The following RAI1 variants were observed in gnomAD, a reference collection of about 807,000 sequenced individuals.
The protein encoded by RAI1 is retinoic acid-induced protein 1.
In RAI1, 9 loss-of-function variants were observed where a neutral mutation model predicts 123.8. That is an observed-to-expected ratio of 0.07 (90% CI 0.04 to 0.13). The LOEUF is 0.13. Among genes scored for constraint, RAI1 ranks in the 10% least tolerant of loss-of-function variants. The pLI is 1.00. For synonymous variants in RAI1, 1,231 were observed against 1,127.3 expected (o/e 1.09, Z -1.84); for missense variants, 2,256 against 2,545.8 (o/e 0.89, Z 2.45).
At chr17:17,696,241 G>A (rs1598017354) in intron 1 of RAI1, among the ~76,000 whole-genome samples, 1 of 152,102 alleles carries the variant, frequency 6.6e-6, no homozygotes, top group African/African-American at 2.4e-5. Context: ...GAGTCATGCT[G>A]TATATTTGGT....
At chr17:17,728,390 C>G (rs928312142) in intron 2 of RAI1, among the ~76,000 whole-genome samples, 2 of 152,128 alleles carry the variant, frequency 1.3e-5, no homozygotes, top group African/African-American at 4.8e-5. Context: ...ATGATCCGCA[C>G]GTTAATTAAA....
chr17:17,789,345 C>T (rs573712847), intron 2 of RAI1, among the ~76,000 whole-genome samples: 2 of 152,356 alleles, frequency 1.3e-5, no homozygotes, highest in East Asian at 3.9e-4. Context: ...AAGAAAGCCG[C>T]ACAGAGTAGG....
rs755763844 is a variant in RAI1, at chr17:17,796,453, C to G, written c.3505C>G (p.Pro1169Ala). The G allele has an allele frequency of 1.2e-6, 2 of 1,612,858 alleles. No individual in the cohort carries two copies. Among genetic ancestry groups the G allele is most frequent in the Admixed American group, 3.3e-5 (2 of 60,012 alleles). ...GCGGAGGCCCTCTGAGGGCCGGCTC[C>G]CCAACTGCCGTGCCACCAAGAAGCT... is the stretch of plus-strand genomic sequence containing the variant. ...KRRRPSEGRL[P>A]NCRATKKLLD... The change falls in exon 3 of 6, where the codon CCC (proline) becomes GCC (alanine). Residue 1169 changes from proline (P) to alanine (A), a missense_variant. Pro to Ala is a conservative substitution (Grantham distance 27). Coordinates refer to ENST00000353383, the MANE Select transcript of RAI1 (RefSeq NM_030665.4). This position sits in a 1 kb window ranked among gnomAD's most constrained non-coding sequence, Gnocchi z 5.8.
At chr17:17,803,935 C>T in intron 4 of RAI1, 86 bp downstream of exon 4, 1 of 1,261,688 alleles carries the variant, frequency 7.9e-7, no homozygotes, top group South Asian at 1.2e-5. Context: ...TCCCCAAACC[C>T]AGGCCCCATC....
At chr17:17,777,619 C>A (rs1324730207) in intron 2 of RAI1, 1 of 152,158 alleles carries the variant, frequency 6.6e-6, no homozygotes. Context: ...GGGGGCCCAG[C>A]CCCTAGGATG....
chr17:17,798,273 C>T lies in RAI1; in HGVS notation c.5325C>T (p.Gly1775=), dbSNP rs1221753889. The change falls in exon 3 of 6, where the codon GGC becomes GGT. Residue 1775 remains glycine (G), a synonymous_variant. Coordinates refer to ENST00000353383, the MANE Select transcript of RAI1 (RefSeq NM_030665.4). ...KQGPLRTSAR[G]LSRRLQSCYC... ...GCCCACTGCGCACCAGTGCCCGGGG[C>T]CTGTCCCGGAGGCTGCAGAGCTGCT... 5.6e-6 allele frequency: 9 copies of T among 1,600,310 alleles called. 1 individual carries two copies. In the South Asian group the frequency reaches 8.9e-5, roughly 16 times the overall value.
intron 2 of RAI1, among the ~76,000 whole-genome samples, chr17:17,790,291 C>T (rs2031966510): frequency 6.6e-6 from 1 of 152,256 alleles, no homozygotes; most frequent in Non-Finnish European, 1.5e-5. Flanking sequence ...GCCTTTGTTC[C>T]CATCCCTCCC....
intron 1 of RAI1, among the ~76,000 whole-genome samples, chr17:17,720,186 A>G (rs1466756928): frequency 1.3e-5 from 2 of 152,156 alleles, no homozygotes; most frequent in East Asian, 1.9e-4. Flanking sequence ...CCTGTTTACT[A>G]TTTAGCTCTG....
intron 2 of RAI1, among the ~76,000 whole-genome samples, chr17:17,776,288 A>G (rs562211436): frequency 6.6e-6 from 1 of 152,372 alleles, no homozygotes; most frequent in South Asian, 2.1e-4. Flanking sequence ...AGCCATTCAT[A>G]GAAGTTTTTA....
intron 2 of RAI1, among the ~76,000 whole-genome samples, chr17:17,746,446 C>T (rs1455310297): frequency 6.6e-6 from 1 of 152,154 alleles, no homozygotes; most frequent in Non-Finnish European, 1.5e-5. Context: ...CCCAGAGCCC[C>T]TGCCCTAAGG....
At chr17:17,763,134 A>G (rs1039083201) in intron 2 of RAI1, among the ~76,000 whole-genome samples, 12 of 151,848 alleles carry the variant, frequency 7.9e-5, no homozygotes, top group Non-Finnish European at 1.6e-4. Context: ...TTTCCCCCAG[A>G]TCCTTCCCTG....
chr17:17,692,654 T>C (rs1042722477), intron 1 of RAI1, among the ~76,000 whole-genome samples: 2 of 152,202 alleles, frequency 1.3e-5, no homozygotes, highest in African/African-American at 4.8e-5. Context: ...TATTGTGACC[T>C]TGTGGGAAGT....
intron 2 of RAI1, among the ~76,000 whole-genome samples, chr17:17,760,340 T>C (rs954357252): frequency 1.6e-4 from 24 of 151,960 alleles, no homozygotes; most frequent in Non-Finnish European, 8.8e-5. Flanking sequence ...CTGTAGATGA[T>C]GGACTTAGAG....
At chr17:17,754,890 C>A (rs2142989220) in intron 2 of RAI1, among the ~76,000 whole-genome samples, 1 of 152,296 alleles carries the variant, frequency 6.6e-6, no homozygotes, top group Admixed American at 6.5e-5. Context: ...TCATTGGGTC[C>A]ATTTTATAGA....
intron 2 of RAI1, among the ~76,000 whole-genome samples, chr17:17,749,766 T>G (rs2030081598): frequency 6.6e-6 from 1 of 152,248 alleles, no homozygotes; most frequent in African/African-American, 2.4e-5. Flanking sequence ...CTTGCCATAC[T>G]GTAAGCTCCA....
intron 2 of RAI1, among the ~76,000 whole-genome samples, chr17:17,770,528 G>A (rs1406537448): frequency 2.0e-5 from 3 of 151,364 alleles, no homozygotes. Flanking sequence ...CCTTTCTCAC[G>A]CCCCGGCTGA....
chr17:17,735,525 T>G (rs1212952528), intron 2 of RAI1, among the ~76,000 whole-genome samples: 1 of 151,724 alleles, frequency 6.6e-6, no homozygotes, highest in African/African-American at 2.4e-5. Context: ...GGCTGATTTT[T>G]TTTGTATTTT....
At chr17:17,713,593 A>G (rs536323159) in intron 1 of RAI1, among the ~76,000 whole-genome samples, 2 of 152,318 alleles carry the variant, frequency 1.3e-5, no homozygotes, top group Non-Finnish European at 2.9e-5. Context: ...GTGAGCCAAG[A>G]TCTTGCTACT....
chr17:17,779,236 C>T, intron 2 of RAI1: 1 of 322,340 alleles, frequency 3.1e-6, no homozygotes, highest in South Asian at 2.7e-5. Flanking sequence ...TGGTGGCTGG[C>T]TCTCCCCGAA....
Sources: gnomAD v4.1 joint callset for allele counts (sites outside exome capture counted in the v4.1 genomes callset) on GRCh38, gnomAD v4.1.1 for gene constraint, Gnocchi (gnomAD v3.1) non-coding constraint, MANE v1.5 for transcripts, NCBI Gene and HGNC (gene_info 2026-07-23, HGNC 2026-07-21) for gene names.